The following RAB3GAP1 variants were observed in gnomAD, a reference collection of about 807,000 sequenced individuals.
The protein encoded by RAB3GAP1 is RAB3 GTPase activating protein catalytic subunit 1.
A neutral mutation model predicts 130.7 loss-of-function variants in RAB3GAP1; 86 were observed. The observed-to-expected ratio is 0.66, with a 90% CI of 0.55 to 0.79. The LOEUF (loss-of-function observed/expected upper bound fraction) is 0.79. RAB3GAP1 is among the 30% of genes least tolerant of loss of function. RAB3GAP1 has a pLI of 0.00. For synonymous variants in RAB3GAP1, 367 were observed against 401.7 expected (o/e 0.91, Z 1.03); for missense variants, 1,029 against 1,169.4 (o/e 0.88, Z 1.75).
At chr2:135,104,032 T>G (rs1298785323) in intron 5 of RAB3GAP1, among the ~76,000 whole-genome samples, 1 of 152,150 alleles carries the variant, frequency 6.6e-6, no homozygotes, top group African/African-American at 2.4e-5. Context: ...CACAGATCAT[T>G]TAGCAGAAAG....
rs534013327 is a variant in RAB3GAP1, at chr2:135,158,909, C to CTTAGTCTA, written c.2290-3646_2290-3645insTTAGTCTA. On this transcript the variant is annotated intron_variant, in intron 19 of 23. Transcript: ENST00000264158. Reference sequence around the variant, plus strand: ...AAATCTTAGTCTAATTGTGAGGGAACATTAGATGAACCCAAAATGAGGAAC... The same window carrying CTTAGTCTA: ...AAATCTTAGTCTAATTGTGAGGGAACTTAGTCTAATTAGATGAACCCAAAATGAGGAAC... Among the ~76,000 whole-genome samples the CTTAGTCTA allele has an allele frequency of 4.5e-3, 679 of 152,132 alleles. 3 individuals are homozygous for CTTAGTCTA. The highest frequency in any genetic ancestry group is 0.01 in the Middle Eastern group (3 of 292).
intron 5 of RAB3GAP1, among the ~76,000 whole-genome samples, chr2:135,100,410 G>A (rs901028107): frequency 3.3e-5 from 5 of 152,170 alleles, no homozygotes; most frequent in African/African-American, 7.2e-5. Flanking sequence ...TTCTATGCTC[G>A]CTTTTGCCTT....
At chr2:135,070,665 G>A (rs1336203975) in intron 3 of RAB3GAP1, among the ~76,000 whole-genome samples, 17 of 151,846 alleles carry the variant, frequency 1.1e-4, no homozygotes, top group Admixed American at 7.2e-4. Context: ...CCACCATCAC[G>A]CCCGTCCAAT....
intron 17 of RAB3GAP1, among the ~76,000 whole-genome samples, chr2:135,146,199 C>CTTTTTTTTT (rs1173567563): frequency 8.3e-5 from 8 of 96,594 alleles, no homozygotes; most frequent in East Asian, 3.0e-4. Context: ...CATATTTGTT[C>CTTTTTTTTT]TTTTTTTTTT....
chr2:135,134,875 A>G (rs1691637838), intron 15 of RAB3GAP1, among the ~76,000 whole-genome samples: 1 of 150,670 alleles, frequency 6.6e-6, no homozygotes. Context: ...TTTTATAGTG[A>G]GAATCCACTG....
In RAB3GAP1 at chr2:135,126,226, C is replaced by A. The variant is rs779220384; in HGVS notation, c.876C>A (p.Ile292=). 14 of 1,612,868 alleles carry A rather than the reference C, an allele frequency of 8.7e-6. No individual in the cohort carries two copies. The East Asian group carries it at 2.7e-4, about 31-fold the overall frequency. The change falls in exon 10 of 24, where the codon ATC becomes ATA. Residue 292 remains isoleucine (I), a synonymous_variant. Transcript: ENST00000264158. ...CATGGCCTCATCTGACCGAAGGGAT[C>A]ATTGTGGATAATGATGTTTATTCGT... ...ATTWPHLTEG[I]IVDNDVYSDL... is the part of the protein sequence containing the mutation.
Position 135,162,799 on chromosome 2 carries a change from C to T in RAB3GAP1, c.2438C>T (p.Ser813Phe). ...AAGAAGATCATAAAGCAGATAATAT[C>T]CCATTCCAGTAAAGTTTTGCACTTC... Reference protein sequence around the residue: ...SVKKIIKQIISHSSKVLHFPN... With the variant: ...SVKKIIKQIIFHSSKVLHFPN... Residue 813 changes from serine to phenylalanine, a missense_variant, in exon 21 of 24, where the codon TCC (serine) becomes TTC (phenylalanine). Coordinates refer to ENST00000264158, the MANE Select transcript of RAB3GAP1 (RefSeq NM_012233.3). 1 of 1,613,710 alleles carries T rather than the reference C, an allele frequency of 6.2e-7. No individual in the cohort carries two copies. The highest frequency in any genetic ancestry group is 1.3e-5 in the African/African-American group (1 of 75,020).
At chr2:135,062,302 A>G (rs1689199703) in intron 3 of RAB3GAP1, among the ~76,000 whole-genome samples, 1 of 152,206 alleles carries the variant, frequency 6.6e-6, no homozygotes, top group Admixed American at 6.5e-5. Context: ...TGTCTTATGC[A>G]TTGTCAAATA....
chr2:135,131,627 A>T (rs779606135), intron 13 of RAB3GAP1, among the ~76,000 whole-genome samples: 1 of 152,182 alleles, frequency 6.6e-6, no homozygotes, highest in Non-Finnish European at 1.5e-5. Context: ...GGTGGCTCCT[A>T]GGTATAACAG....
intron 3 of RAB3GAP1, among the ~76,000 whole-genome samples, chr2:135,069,840 T>G (rs1371361348): frequency 6.6e-6 from 1 of 152,154 alleles, no homozygotes; most frequent in Non-Finnish European, 1.5e-5. Flanking sequence ...TACTCCACAG[T>G]CATTTTATCT....
chr2:135,141,231 T>TTC (rs1691830645), intron 17 of RAB3GAP1, among the ~76,000 whole-genome samples: 1 of 117,670 alleles, frequency 8.5e-6, no homozygotes, highest in African/African-American at 4.9e-5. Flanking sequence ...CTTACTTCTT[T>TTC]TTTTTTTTTT....
intron 17 of RAB3GAP1, among the ~76,000 whole-genome samples, chr2:135,140,044 A>T (rs895590404): frequency 1.3e-5 from 2 of 152,002 alleles, no homozygotes; most frequent in African/African-American, 4.8e-5. Flanking sequence ...TTATTTACCG[A>T]TTTTGAGAGT....
Position 135,083,082 on chromosome 2 carries a change from T to G in RAB3GAP1, c.151-7916T>G, listed in dbSNP as rs372485531. Among the ~76,000 whole-genome samples, 13 of 151,466 alleles carry G rather than the reference T, an allele frequency of 8.6e-5. 1 individual carries two copies. Among genetic ancestry groups the G allele is most frequent in the Admixed American group, 4.6e-4 (7 of 15,168 alleles). ...TTATTTTAAATTGTTGTATTGATGTTTTTTTTTTTCTGAATATTTTCAACC... is the reference window on the plus strand; with the variant it reads ...TTATTTTAAATTGTTGTATTGATGTGTTTTTTTTTCTGAATATTTTCAACC... On this transcript the variant is annotated intron_variant, in intron 3 of 23. Transcript: ENST00000264158.
Position 135,169,526 on chromosome 2 carries a change from G to T in RAB3GAP1, c.*745G>T. On this transcript the variant is annotated 3_prime_UTR_variant, in exon 24 of 24. Coordinates refer to ENST00000264158, the MANE Select transcript of RAB3GAP1 (RefSeq NM_012233.3). ...CATGGAAGTTATGGCCCTGAAAATC[G>T]TCTCCCTCCCCTTCTCTTGCTGTAC... 1.1e-5 allele frequency: 2 copies of T among 177,922 alleles called. No individual in the cohort carries two copies. Among genetic ancestry groups the T allele is most frequent in the Non-Finnish European group, 2.4e-5 (2 of 83,640 alleles). The allele number at this position is 177,922 out of a possible 1,614,324, so 11.0% of individuals were successfully genotyped here.
At chr2:135,110,157 G>A (rs1053603629) in intron 5 of RAB3GAP1, among the ~76,000 whole-genome samples, 2 of 149,206 alleles carry the variant, frequency 1.3e-5, no homozygotes, top group Admixed American at 6.6e-5. Context: ...TTTTTGAGAT[G>A]AGGTTTCACT....
rs1321624619 is a variant in RAB3GAP1, at chr2:135,081,359, TATACAC to T, written c.151-9637_151-9632del. 4.6e-3 allele frequency among the ~76,000 whole-genome samples: 376 copies of T among 80,924 alleles called. 2 individuals are homozygous for T. The highest frequency in any genetic ancestry group is 0.013 in the African/African-American group (196 of 14,620). The allele number at this position is 80,924 out of a possible 152,430, so 53.1% of individuals were successfully genotyped here. The stretch of plus-strand genomic sequence containing the variant: ...ATATATATATATATATATATATATA[TATACAC>T]ACACGTGTGTGTGTGTATATATATA... On this transcript the variant is annotated intron_variant, in intron 3 of 23. Transcript: ENST00000264158.
At chr2:135,112,268 C>T (rs1032156296) in intron 5 of RAB3GAP1, among the ~76,000 whole-genome samples, 8 of 152,172 alleles carry the variant, frequency 5.3e-5, no homozygotes, top group Non-Finnish European at 1.2e-4. Flanking sequence ...AAGCTGGAGA[C>T]GGTAAACCGC....
intron 7 of RAB3GAP1, among the ~76,000 whole-genome samples, chr2:135,115,686 C>CT (rs1690949535): frequency 2.0e-5 from 3 of 152,250 alleles, no homozygotes; most frequent in African/African-American, 7.2e-5. Context: ...TTGCCAGTCT[C>CT]CTAAGCTTAA....
Position 135,169,037 on chromosome 2 carries a change from G to C in RAB3GAP1, c.*256G>C. ...TGGCCTTTGTATATGGGGGGGTGGTGGGGGGACACAAACACATCAGACACT... is the reference window on the plus strand; with the variant it reads ...TGGCCTTTGTATATGGGGGGGTGGTCGGGGGACACAAACACATCAGACACT... On this transcript the variant is annotated 3_prime_UTR_variant, in exon 24 of 24. Coordinates refer to ENST00000264158, the MANE Select transcript of RAB3GAP1 (RefSeq NM_012233.3). 2.1e-6 allele frequency: 1 copy of C among 478,618 alleles called. No individual in the cohort carries two copies. The highest frequency in any genetic ancestry group is 3.6e-6 in the Non-Finnish European group (1 of 275,438). 29.6% of individuals were successfully genotyped at this position (478,618 alleles called of 1,614,324 possible).
Sources: allele counts gnomAD v4.1 joint callset (sites outside exome capture counted in the v4.1 genomes callset), GRCh38; gene constraint gnomAD v4.1.1; transcripts MANE v1.5; gene names NCBI Gene and HGNC (gene_info 2026-07-23, HGNC 2026-07-21).